Variants in MAPK10 observed in about 807,000 individuals in gnomAD.
The protein encoded by MAPK10 is JNK3 alpha protein kinase.
MAPK10 carries 25 observed loss-of-function variants against 59.3 expected under a neutral mutation model. That is an observed-to-expected ratio of 0.42 (90% CI 0.31 to 0.59). The LOEUF is 0.59. Among genes scored for constraint, MAPK10 ranks in the 20% least tolerant of loss-of-function variants. The pLI is 0.15. For synonymous variants in MAPK10, 190 were observed against 200.5 expected (o/e 0.95, Z 0.44); for missense variants, 351 against 568.9 (o/e 0.62, Z 3.90).
chr4:86,432,028 C>A (rs1257497717), intron 1 of MAPK10, among the ~76,000 whole-genome samples: 1 of 152,096 alleles, frequency 6.6e-6, no homozygotes, highest in Non-Finnish European at 1.5e-5. Context: ...AAAGGAGAGG[C>A]AGCATCAGGC....
intron 9 of MAPK10, among the ~76,000 whole-genome samples, chr4:86,077,029 A>G (rs2049634538): frequency 6.6e-6 from 1 of 152,136 alleles, no homozygotes; most frequent in Non-Finnish European, 1.5e-5. Flanking sequence ...ATACAAATGG[A>G]AAAATGGCAT....
intron 1 of MAPK10, among the ~76,000 whole-genome samples, chr4:86,508,979 G>T (rs1756003665): frequency 6.6e-6 from 1 of 152,004 alleles, no homozygotes; most frequent in Admixed American, 6.6e-5. Flanking sequence ...TTTTTTCTTA[G>T]AATTCAATTA....
chr4:86,109,282 C>G (rs1013688708), intron 4 of MAPK10, among the ~76,000 whole-genome samples: 7 of 152,190 alleles, frequency 4.6e-5, no homozygotes, highest in African/African-American at 1.7e-4. Flanking sequence ...AGGTTTGTTA[C>G]ATTGGTAAAT....
chr4:86,313,036 T>C (rs1024718044), intron 2 of MAPK10, among the ~76,000 whole-genome samples: 3 of 152,102 alleles, frequency 2.0e-5, no homozygotes, highest in African/African-American at 7.2e-5. Context: ...TACATAAATA[T>C]GTAGGCATAT....
intron 11 of MAPK10, among the ~76,000 whole-genome samples, chr4:86,048,044 G>C (rs1238208808): frequency 6.6e-6 from 1 of 152,042 alleles, no homozygotes; most frequent in Admixed American, 6.6e-5. Context: ...GTTGAGGATA[G>C]TCATCATTTT....
In MAPK10 at chr4:86,177,009, A is replaced by C. The variant is rs149276776; in HGVS notation, c.66+17327T>G. Among the ~76,000 whole-genome samples, 622 of 152,246 alleles carry C rather than the reference A, an allele frequency of 4.1e-3. 1 individual carries two copies. Among genetic ancestry groups the C allele is most frequent in the African/African-American group, 0.014 (579 of 41,562 alleles). On this transcript the variant is annotated intron_variant, in intron 3 of 13. Transcript: ENST00000641462. ...AGTCAGGTTTCCTTAAATAATACAT[A>C]AGAAAGAACACTCATTAAAAGGAGA...
intron 1 of MAPK10, among the ~76,000 whole-genome samples, chr4:86,475,094 T>C (rs1752967696): frequency 6.6e-6 from 1 of 152,140 alleles, no homozygotes; most frequent in African/African-American, 2.4e-5. Flanking sequence ...CCAAATCTTA[T>C]AAAACGGCCC....
At chr4:86,351,889 A>C (rs1459619433) in intron 2 of MAPK10, among the ~76,000 whole-genome samples, 1 of 152,218 alleles carries the variant, frequency 6.6e-6, no homozygotes, top group African/African-American at 2.4e-5. Flanking sequence ...CATCTCAAAA[A>C]GATTTGAGCA....
At position 86,554,466 on chromosome 4, in the gene MAPK10, G is replaced by A. The variant is rs116042374; in HGVS notation, c.-263+39444C>T. Among the ~76,000 whole-genome samples, 877 of 152,186 alleles carry A rather than the reference G, an allele frequency of 5.8e-3. 6 individuals are homozygous for A. The highest frequency in any genetic ancestry group is 0.019 in the African/African-American group (783 of 41,526). On this transcript the variant is annotated intron_variant, in intron 1 of 4. Coordinates refer to the MAPK10 transcript ENST00000502302. ...AAATATTCCCAACTTTCCCATCAAG[G>A]TTAATGGAATCAACATCCTCAAGTT...
intron 2 of MAPK10, among the ~76,000 whole-genome samples, chr4:86,311,845 A>G (rs1207314911): frequency 6.6e-6 from 1 of 152,174 alleles, no homozygotes; most frequent in Non-Finnish European, 1.5e-5. Context: ...CATAAGAAAC[A>G]AATAGAAAGA....
At chr4:86,326,673 A>G (rs1029567744) in intron 2 of MAPK10, 1 of 152,354 alleles carries the variant, frequency 6.6e-6, no homozygotes, top group Non-Finnish European at 1.5e-5. Flanking sequence ...CTACAAGTCC[A>G]TATCTCTTTT....
chr4:86,123,063 A>G (rs2059517847), intron 4 of MAPK10, among the ~76,000 whole-genome samples: 1 of 152,120 alleles, frequency 6.6e-6, no homozygotes, highest in South Asian at 2.1e-4. Context: ...TGGTGCAAAA[A>G]ACATGAAATC....
At chr4:86,398,969 G>A (rs1743330683) in intron 1 of MAPK10, among the ~76,000 whole-genome samples, 1 of 152,078 alleles carries the variant, frequency 6.6e-6, no homozygotes, top group African/African-American at 2.4e-5. Context: ...AGTATTCCAT[G>A]GTGCATAGGT....
chr4:86,408,725 T>C (rs1167173408), intron 1 of MAPK10, among the ~76,000 whole-genome samples: 4 of 152,240 alleles, frequency 2.6e-5, no homozygotes, highest in African/African-American at 9.6e-5. Flanking sequence ...GCTCATATCG[T>C]TTCCCCACTT....
intron 2 of MAPK10, among the ~76,000 whole-genome samples, chr4:86,328,852 G>C (rs936529557): frequency 6.6e-6 from 1 of 152,162 alleles, no homozygotes; most frequent in South Asian, 2.1e-4. Context: ...GGCCTGTCAG[G>C]GGAGGGGAGC....
At chr4:86,579,740 A>G (rs1006799966) in intron 1 of MAPK10, among the ~76,000 whole-genome samples, 1 of 152,134 alleles carries the variant, frequency 6.6e-6, no homozygotes, top group Non-Finnish European at 1.5e-5. Flanking sequence ...TTACTGGACA[A>G]TTTTTAAGTT....
At chr4:86,155,352 T>A (rs780149799) in intron 4 of MAPK10, among the ~76,000 whole-genome samples, 1 of 151,918 alleles carries the variant, frequency 6.6e-6, no homozygotes, top group Non-Finnish European at 1.5e-5. Flanking sequence ...AACAAAAAGA[T>A]ATATATCCTA....
At chr4:86,324,147 C>T (rs1438892081) in intron 2 of MAPK10, among the ~76,000 whole-genome samples, 1 of 152,126 alleles carries the variant, frequency 6.6e-6, no homozygotes, top group Admixed American at 6.5e-5. Context: ...TGGCTCAAGT[C>T]TGTAATCCCA....
chr4:86,576,641 G>C (rs1761914909), intron 1 of MAPK10, among the ~76,000 whole-genome samples: 1 of 152,084 alleles, frequency 6.6e-6, no homozygotes, highest in Non-Finnish European at 1.5e-5. Flanking sequence ...GGGCGCGGTG[G>C]CGGGTGCCTG....
Sources: gnomAD v4.1 joint callset for allele counts (sites outside exome capture counted in the v4.1 genomes callset) on GRCh38, gnomAD v4.1.1 for gene constraint, MANE v1.5 for transcripts, NCBI Gene and HGNC (gene_info 2026-07-23, HGNC 2026-07-21) for gene names.